TRIM50: variants seen among roughly 807,000 people sequenced by gnomAD.
TRIM50 encodes the protein tripartite motif containing 50.
Under a neutral mutation model 44.9 loss-of-function variants are expected in TRIM50, and 34 were observed. That is an observed-to-expected ratio of 0.76 (90% CI 0.58 to 1.01). The LOEUF is 1.01. Among genes scored for constraint, TRIM50 ranks in the 50% least tolerant of loss-of-function variants. TRIM50 has a pLI of 0.00. For missense variants in TRIM50, 633 were observed against 663.7 expected, an observed-to-expected ratio of 0.95 and a Z score of 0.51; for synonymous variants, 307 against 291.1, an observed-to-expected ratio of 1.05 and a Z score of -0.56.
intron 2 of TRIM50, among the ~76,000 whole-genome samples, chr7:73,320,794 G>A (rs1487674943): frequency 4.6e-5 from 7 of 150,788 alleles, no homozygotes; most frequent in South Asian, 2.1e-4. Flanking sequence ...TTGGGAGGCC[G>A]AGGCGAGTGG....
At chr7:73,322,363 C>A (rs1408053422) in intron 2 of TRIM50, among the ~76,000 whole-genome samples, 5 of 152,082 alleles carry the variant, frequency 3.3e-5, no homozygotes, top group African/African-American at 1.2e-4. Flanking sequence ...ACAACAACAA[C>A]AAAATTAAGC....
chr7:73,317,858 G>A (rs1486620890), intron 5 of TRIM50, among the ~76,000 whole-genome samples: 2 of 152,212 alleles, frequency 1.3e-5, no homozygotes, highest in Non-Finnish European at 2.9e-5. Flanking sequence ...GATACTGCCT[G>A]CTGCGCAAGG....
intron 5 of TRIM50, among the ~76,000 whole-genome samples, chr7:73,317,508 C>A (rs1216316378): frequency 6.6e-6 from 1 of 151,930 alleles, no homozygotes; most frequent in Non-Finnish European, 1.5e-5. Context: ...CAGGTGCCTG[C>A]CACCACACCC....
intron 5 of TRIM50, among the ~76,000 whole-genome samples, chr7:73,318,109 C>T (rs1475702957): frequency 6.6e-6 from 1 of 152,148 alleles, no homozygotes; most frequent in Non-Finnish European, 1.5e-5. Flanking sequence ...GTCCCCCAGA[C>T]ACCTGCTCCT....
chr7:73,316,724 G>A (rs182416069), intron 5 of TRIM50, 35 bp from the exon 6 acceptor site: 10 of 1,604,336 alleles, frequency 6.2e-6, no homozygotes, highest in Non-Finnish European at 8.5e-6. Context: ...AGAGAGTGAG[G>A]TATCACGTGG....
At chr7:73,323,570 T>C (rs2115769128) in intron 2 of TRIM50, among the ~76,000 whole-genome samples, 1 of 152,306 alleles carries the variant, frequency 6.6e-6, no homozygotes, top group East Asian at 1.9e-4. Flanking sequence ...TTATTACTCG[T>C]CTTAAAGAAT....
Position 73,312,559 on chromosome 7 carries a change from A to C in TRIM50, c.*362T>G, listed in dbSNP as rs1483292841. 4.4e-6 allele frequency: 1 copy of C among 228,328 alleles called. No homozygotes were observed. Among genetic ancestry groups the C allele is most frequent in the Non-Finnish European group, 8.4e-6 (1 of 118,604 alleles). The allele number at this position is 228,328 out of a possible 1,614,324, so 14.1% of individuals were successfully genotyped here. On this transcript the variant is annotated 3_prime_UTR_variant, in exon 7 of 7. Transcript: ENST00000333149. The stretch of plus-strand genomic sequence containing the variant: ...CATTTAAAGAGAAAGAAATAATGTC[A>C]AATTTATTATCCTTGATAGTAGTTG...
intron 2 of TRIM50, among the ~76,000 whole-genome samples, chr7:73,323,276 C>T (rs1414099784): frequency 6.6e-6 from 1 of 152,192 alleles, no homozygotes; most frequent in Non-Finnish European, 1.5e-5. Flanking sequence ...CTCTCCATGC[C>T]CCAGCCGCAG....
rs1554543348 is a variant in TRIM50 at position 73,313,168 on chromosome 7, G to C, written c.1217C>G (p.Pro406Arg). 1 of 1,588,858 alleles carries C rather than the reference G, an allele frequency of 6.3e-7. No homozygotes were observed. The highest frequency in any genetic ancestry group is 1.8e-5 in the Admixed American group (1 of 55,708). ...EAFACPRVPL[P>R]VAGHPHRIGL... ...GATGCGGTGGGGGTGGCCGGCCACG[G>C]GCAGGGGTACCCGGGGGCAGGCAAA... The change falls in exon 7 of 7, where the codon CCC (proline) becomes CGC (arginine). Residue 406 changes from proline (P) to arginine (R), a missense_variant. Transcript: ENST00000333149. The surrounding 1 kb of genome is among the most constrained non-coding windows in gnomAD (Gnocchi z 4.9).
Position 73,328,045 on chromosome 7 carries a change from C to A in TRIM50, c.-164G>T. 2 of 734,496 alleles carry A rather than the reference C, an allele frequency of 2.7e-6. No homozygotes were observed. Among genetic ancestry groups the A allele is most frequent in the South Asian group, 1.8e-5 (1 of 56,678 alleles). 45.5% of individuals were successfully genotyped at this position (734,496 alleles called of 1,614,324 possible). On this transcript the variant is annotated 5_prime_UTR_variant, in exon 1 of 7. Coordinates refer to ENST00000333149, the MANE Select transcript of TRIM50 (RefSeq NM_178125.3). ...ATGACCCGCACGCTATGGTTACATG[C>A]CCCGCCTCGCGCTACCGCGCGTGCC...
rs146309415 is a variant in TRIM50 at position 73,320,225 on chromosome 7, G to A, written c.417C>T (p.Leu139=). 7.1e-5 allele frequency: 115 copies of A among 1,613,864 alleles called. No homozygotes were observed. Among genetic ancestry groups the A allele is most frequent in the Admixed American group, 1.5e-4 (9 of 59,992 alleles). Residue 139 remains leucine, a synonymous_variant, in exon 3 of 7, where the codon CTC becomes CTT. Transcript: ENST00000333149. ...TCTGCTCCTGCTTCAGCTCAGAGAT[G>A]AGGGCTGCGAGCTCCTCCTGGAGGC... ...YSRMKEELAA[L]ISELKQEQKK... is the part of the protein sequence containing the mutation.
Position 73,313,100 on chromosome 7 carries a change from C to A in TRIM50, c.1285G>T (p.Asp429Tyr), listed in dbSNP as rs782776291. Residue 429 changes from aspartate to tyrosine, a missense_variant, in exon 7 of 7, where the codon GAT becomes TAT. Transcript: ENST00000333149. This position sits in a 1 kb window ranked among gnomAD's most constrained non-coding sequence, Gnocchi z 4.9. ...HYEQGELTFF[D>Y]ADRPDDLRPL... ...CGCAGGTCATCGGGGCGGTCGGCAT[C>A]GAAGAAGGTGAGTTCGCCCTGCTCA... is the stretch of plus-strand genomic sequence containing the variant. 2.6e-5 allele frequency: 41 copies of A among 1,593,794 alleles called. No homozygotes were observed. Among genetic ancestry groups the A allele is most frequent in the Admixed American group, 8.8e-5 (5 of 56,622 alleles).
At position 73,319,064 on chromosome 7, in the gene TRIM50, A is replaced by G. The variant is rs1804432027; in HGVS notation, c.496-12T>C. The G allele has an allele frequency of 6.2e-7, 1 of 1,613,790 alleles. No individual in the cohort carries two copies. The highest frequency in any genetic ancestry group is 1.7e-5 in the Admixed American group (1 of 59,986). On this transcript the variant is annotated splice_polypyrimidine_tract_variant and intron_variant, in intron 3 of 6. Transcript: ENST00000333149. ...ACATCCGACTCATTCTGGGACAGGG[A>G]GGGCTGGTCACTGCAGAGTCACAGC...
intron 6 of TRIM50, chr7:73,314,451 C>T (rs1804311780): frequency 2.4e-6 from 1 of 421,898 alleles, no homozygotes. Context: ...AGACTGTTGG[C>T]CCTGACTGAG....
At position 73,327,942 on chromosome 7, in the gene TRIM50, G is replaced by T; in HGVS notation, c.-61C>A. On this transcript the variant is annotated 5_prime_UTR_variant, in exon 1 of 7. Transcript: ENST00000333149. The stretch of plus-strand genomic sequence containing the variant: ...TAAGTGCCCCATCGTGCTCTCTGTC[G>T]CTCCAGTTAGATGCCCCATCCTGCC... 1 of 514,250 alleles carries T rather than the reference G, an allele frequency of 1.9e-6. No individual in the cohort carries two copies. The highest frequency in any genetic ancestry group is 3.5e-6 in the Non-Finnish European group (1 of 283,462). 31.9% of individuals were successfully genotyped at this position (514,250 alleles called of 1,614,324 possible). A position where few individuals can be genotyped will look rare whatever the true frequency, so the allele number is the denominator to read the frequency against.
intron 2 of TRIM50, among the ~76,000 whole-genome samples, chr7:73,323,309 A>G (rs13240614): frequency 2.6e-5 from 4 of 151,134 alleles, no homozygotes; most frequent in Non-Finnish European, 5.9e-5. Context: ...GCCCTATCTC[A>G]CCCCCACCGA....
intron 3 of TRIM50, among the ~76,000 whole-genome samples, 186 bp from the exon 4 acceptor site, chr7:73,319,238 G>A (rs1232609584): frequency 3.9e-5 from 6 of 152,218 alleles, no homozygotes; most frequent in Admixed American, 1.3e-4. Context: ...GGCGGTGGCC[G>A]TGGGGAGGGT....
At position 73,324,543 on chromosome 7, in the gene TRIM50, C is replaced by A; in HGVS notation, c.245G>T (p.Gly82Val). The change falls in exon 2 of 7, where the codon GGG becomes GTG. Residue 82 changes from glycine (G) to valine (V), a missense_variant. Transcript: ENST00000333149. ...ARVIEALRLP[G>V]DPEPKVCVHH... is the part of the protein sequence containing the mutation. ...CACGCAGACCTTGGGCTCCGGGTCC[C>A]CAGGGAGCCTCAGGGCTTCGATCAC... 1 of 1,614,124 alleles carries A rather than the reference C, an allele frequency of 6.2e-7. No individual in the cohort carries two copies. The highest frequency in any genetic ancestry group is 8.5e-7 in the Non-Finnish European group (1 of 1,180,026).
rs1804502038 is a variant in TRIM50 at position 73,321,744 on chromosome 7, GAAGGGAGTTGCGTA to G, written c.400-1516_400-1503del. Among the ~76,000 whole-genome samples the G allele has an allele frequency of 2.6e-5, 4 of 152,304 alleles. No individual in the cohort carries two copies. In the South Asian group the frequency reaches 8.3e-4, roughly 32 times the overall value. On this transcript the variant is annotated intron_variant, in intron 2 of 6. Coordinates refer to ENST00000333149, the MANE Select transcript of TRIM50 (RefSeq NM_178125.3). ...CCAGAGAGCTGCAAGGGGCTTTCAG[GAAGGGAGTTGCGTA>G]AAGAATCAAGCACTTGCTGGCATAA... is the stretch of plus-strand genomic sequence containing the variant.
Sources: allele counts gnomAD v4.1 joint callset (sites outside exome capture counted in the v4.1 genomes callset), GRCh38; gene constraint gnomAD v4.1.1; non-coding constraint Gnocchi (gnomAD v3.1); transcripts MANE v1.5; gene names NCBI Gene and HGNC (gene_info 2026-07-23, HGNC 2026-07-21).